The following ANK3 variants were observed in gnomAD, a reference collection of about 807,000 sequenced individuals.
The protein encoded by ANK3 is ankyrin-3.
A neutral mutation model predicts 370.9 loss-of-function variants in ANK3; 57 were observed. The ratio of observed to expected loss-of-function variants is 0.15; its 90% CI spans 0.12 to 0.19. The LOEUF is 0.19. Among genes scored for constraint, ANK3 ranks in the 10% least tolerant of loss-of-function variants. The pLI, the probability that ANK3 is intolerant of heterozygous loss-of-function variation, is 1.00. For synonymous variants in ANK3, 1,929 were observed against 1,946.3 expected, an observed-to-expected ratio of 0.99 and a Z score of 0.23; for missense variants, 4,439 against 5,302.1, an observed-to-expected ratio of 0.84 and a Z score of 5.06.
intron 2 of ANK3, among the ~76,000 whole-genome samples, chr10:60,448,304 C>A (rs563790017): frequency 6.6e-6 from 1 of 152,184 alleles, no homozygotes; most frequent in Non-Finnish European, 1.5e-5. Flanking sequence ...GAAACTACAT[C>A]ACTCTGGAGA....
chr10:60,290,489 G>A (rs780235228), intron 1 of ANK3, among the ~76,000 whole-genome samples: 9 of 152,040 alleles, frequency 5.9e-5, no homozygotes, highest in African/African-American at 1.2e-4. Flanking sequence ...TAGAGAGGGG[G>A]TTACTTAACC....
At chr10:60,603,938 T>C (rs144411204) in intron 2 of ANK3, among the ~76,000 whole-genome samples, 164 of 152,264 alleles carry the variant, frequency 1.1e-3, no homozygotes, top group African/African-American at 3.7e-3. Flanking sequence ...ATAATTTAAA[T>C]ATAAACATTG....
intron 8 of ANK3, among the ~76,000 whole-genome samples, chr10:60,229,665 T>A (rs189861385): frequency 1.3e-5 from 2 of 152,310 alleles, no homozygotes. Flanking sequence ...TTCTTTATTC[T>A]TGTACATAAA....
chr10:60,436,981 G>T (rs1299319101), intron 2 of ANK3, among the ~76,000 whole-genome samples: 1 of 152,178 alleles, frequency 6.6e-6, no homozygotes, highest in Non-Finnish European at 1.5e-5. Context: ...CTAGTCTGTT[G>T]TAGACTGGAG....
intron 1 of ANK3, among the ~76,000 whole-genome samples, chr10:60,303,195 A>C (rs2044218696): frequency 6.6e-6 from 1 of 152,226 alleles, no homozygotes; most frequent in Admixed American, 6.5e-5. Context: ...CACAAAAGCG[A>C]AAATTATTAA....
intron 2 of ANK3, among the ~76,000 whole-genome samples, chr10:60,463,027 T>C (rs2064926252): frequency 6.6e-6 from 1 of 152,056 alleles, no homozygotes; most frequent in Non-Finnish European, 1.5e-5. Context: ...CCTCAGTCTA[T>C]CCAGTAGCTG....
At chr10:60,557,175 G>A (rs1287768946) in intron 2 of ANK3, among the ~76,000 whole-genome samples, 32 of 152,268 alleles carry the variant, frequency 2.1e-4, no homozygotes, top group Non-Finnish European at 4.4e-4. Flanking sequence ...AACAGGTGTT[G>A]AAACAAAAAC....
intron 2 of ANK3, among the ~76,000 whole-genome samples, chr10:60,499,123 C>G (rs2075732215): frequency 6.6e-6 from 1 of 152,194 alleles, no homozygotes; most frequent in African/African-American, 2.4e-5. Flanking sequence ...GATTAAGACA[C>G]ATTCTCGCCC....
intron 43 of ANK3, among the ~76,000 whole-genome samples, chr10:60,036,476 C>G (rs1021771543): frequency 8.6e-6 from 1 of 116,712 alleles, no homozygotes; most frequent in African/African-American, 3.5e-5. Context: ...TGCTCTGTCG[C>G]CCAGGCTGGA....
intron 2 of ANK3, among the ~76,000 whole-genome samples, chr10:60,606,653 TA>T (rs1473900640): frequency 1.3e-5 from 2 of 152,144 alleles, no homozygotes; most frequent in African/African-American, 4.8e-5. Context: ...TTTACTTTAA[TA>T]AGGTATCCTG....
intron 1 of ANK3, among the ~76,000 whole-genome samples, chr10:60,651,789 A>G (rs1408827301): frequency 2.0e-5 from 3 of 152,150 alleles, no homozygotes; most frequent in Admixed American, 6.5e-5. Context: ...AATAGTGCCC[A>G]GCATATAGGA....
intron 2 of ANK3, among the ~76,000 whole-genome samples, chr10:60,603,811 A>T (rs995113637): frequency 6.6e-6 from 1 of 152,100 alleles, no homozygotes; most frequent in African/African-American, 2.4e-5. Flanking sequence ...ACTGGACAAG[A>T]GCTGTCTCAT....
intron 2 of ANK3, among the ~76,000 whole-genome samples, chr10:60,477,250 G>A (rs1363638246): frequency 2.0e-5 from 3 of 152,016 alleles, no homozygotes; most frequent in Non-Finnish European, 4.4e-5. Context: ...ATGGCAATGA[G>A]TAAGAAGCGT....
intron 2 of ANK3, among the ~76,000 whole-genome samples, chr10:60,485,601 G>A (rs1026919037): frequency 5.9e-5 from 9 of 152,140 alleles, no homozygotes; most frequent in South Asian, 2.1e-4. Flanking sequence ...CTCTAAGGGC[G>A]GGGTAGGTGT....
chr10:60,451,373 T>G (rs1404622472), intron 2 of ANK3, among the ~76,000 whole-genome samples: 1 of 152,144 alleles, frequency 6.6e-6, no homozygotes, highest in Non-Finnish European at 1.5e-5. Flanking sequence ...AATTGAGGCT[T>G]TAGAGAGGTG....
intron 2 of ANK3, among the ~76,000 whole-genome samples, chr10:60,502,499 A>G (rs192690198): frequency 4.5e-4 from 69 of 152,274 alleles, no homozygotes; most frequent in Non-Finnish European, 7.5e-4. Context: ...TATGTAAAAC[A>G]TTTGGCAGAA....
At chr10:60,255,097 C>A (rs547110429) in intron 7 of ANK3, among the ~76,000 whole-genome samples, 1 of 152,138 alleles carries the variant, frequency 6.6e-6, no homozygotes, top group African/African-American at 2.4e-5. Flanking sequence ...ATTGTTATGA[C>A]AATAAGTGTA....
intron 20 of ANK3, 70 bp downstream of exon 20, chr10:60,172,829 CG>C (rs1473069845): frequency 3.2e-6 from 3 of 943,936 alleles, no homozygotes; most frequent in South Asian, 1.5e-5. Context: ...CAATGAAAAA[CG>C]TAAGAAGACA....
chr10:60,263,859 G>T lies in ANK3; in HGVS notation c.675C>A (p.Asp225Glu). 6.2e-7 allele frequency: 1 copy of T among 1,614,052 alleles called. No individual in the cohort carries two copies. ...CCTTTGATTCCACATCTGCATTGTT[G>T]TCATTCTGCAGCAGCAGGGCGGCGG... Reference protein sequence around the residue: ...TKAAALLLQNDNNADVESKSG... With the variant: ...TKAAALLLQNENNADVESKSG... Residue 225 changes from aspartate to glutamate, a missense_variant, in exon 6 of 44, where the codon GAC becomes GAA. Coordinates refer to ENST00000280772, the MANE Select transcript of ANK3 (RefSeq NM_020987.5).
Sources: allele counts gnomAD v4.1 joint callset (sites outside exome capture counted in the v4.1 genomes callset), GRCh38; gene constraint gnomAD v4.1.1; transcripts MANE v1.5; gene names NCBI Gene and HGNC (gene_info 2026-07-23, HGNC 2026-07-21).